Variants in TRIP12 observed in about 807,000 individuals in gnomAD.
TRIP12 encodes thyroid hormone receptor interactor 12.
In TRIP12, 25 loss-of-function variants were observed where a neutral mutation model predicts 244.2. The ratio of observed to expected loss-of-function variants is 0.10; its 90% CI spans 0.07 to 0.14. The LOEUF (loss-of-function observed/expected upper bound fraction) is 0.14, where lower values mean the gene tolerates loss of function less well. Ranked by LOEUF, TRIP12 falls within the 10% of genes least tolerant of loss-of-function variation. The pLI is 1.00. For synonymous variants in TRIP12, 905 were observed against 873.1 expected, an observed-to-expected ratio of 1.04 and a Z score of -0.64; for missense variants, 1,677 against 2,486.4, an observed-to-expected ratio of 0.67 and a Z score of 6.92.
chr2:229,842,272 A>C (rs1260537179), intron 4 of TRIP12, among the ~76,000 whole-genome samples: 2 of 152,206 alleles, frequency 1.3e-5, no homozygotes, highest in Non-Finnish European at 2.9e-5. Flanking sequence ...TACATAGCAT[A>C]CTGCCAGAAT....
chr2:229,833,439 C>T (rs191368361), intron 6 of TRIP12, among the ~76,000 whole-genome samples: 129 of 152,246 alleles, frequency 8.5e-4, no homozygotes, highest in Non-Finnish European at 7.2e-4. Context: ...AGGTACATGC[C>T]ACCAAGTCTG....
chr2:229,859,452 C>T lies in TRIP12; in HGVS notation c.347G>A (p.Arg116His). The change falls in exon 4 of 42, where the codon CGC (arginine) becomes CAC (histidine). Residue 116 changes from arginine to histidine, a missense_variant. Physicochemically the swap from Arg to His is conservative, Grantham distance 29. Around this residue, in one of 11 missense-constraint regions of TRIP12, gnomAD observed 387 missense variants for 392.6 expected, o/e 0.99. Coordinates refer to ENST00000675903, the MANE Select transcript of TRIP12 (RefSeq NM_001348323.3). ...PKKDNSRGVK[R>H]SASPDYNRTN... ...CCTGTTGTAGTCTGGACTAGCACTG[C>T]GCTTCACTCCTCGAGAATTGTCTTT... 4 of 1,614,110 alleles carry T rather than the reference C, an allele frequency of 2.5e-6. No homozygotes were observed. The highest frequency in any genetic ancestry group is 2.2e-5 in the South Asian group (2 of 91,076).
intron 1 of TRIP12, among the ~76,000 whole-genome samples, chr2:229,897,700 A>T (rs1179084449): frequency 6.6e-6 from 1 of 152,182 alleles, no homozygotes; most frequent in Non-Finnish European, 1.5e-5. Context: ...TCTTGCCTTA[A>T]AGTTCTCTAT....
chr2:229,791,685 G>T, intron 29 of TRIP12, 181 bp downstream of exon 29: 1 of 621,028 alleles, frequency 1.6e-6, no homozygotes, highest in Non-Finnish European at 2.8e-6. Flanking sequence ...TAGAATGAAT[G>T]AGGAGGCTAC....
intron 26 of TRIP12, among the ~76,000 whole-genome samples, chr2:229,794,607 A>G (rs2042359821): frequency 6.6e-6 from 1 of 151,896 alleles, no homozygotes; most frequent in Non-Finnish European, 1.5e-5. Flanking sequence ...AAACCAAACA[A>G]ATTTCCTATT....
intron 37 of TRIP12, 128 bp from the exon 38 acceptor site, chr2:229,774,389 CTTTA>C (rs1574771827): frequency 1.1e-6 from 1 of 905,716 alleles, no homozygotes; most frequent in East Asian, 2.8e-5. Flanking sequence ...CTCTTAGCCT[CTTTA>C]TTTTTTTCCT....
Position 229,763,874 on chromosome 2 carries a change from A to C in TRIP12, c.*3680T>G, listed in dbSNP as rs1312850665. ...GTTTATTAAAAATATAGTCAGGGAGAAGGAAGTCAGTGCATTTATGCAATT... is the reference window on the plus strand; with the variant it reads ...GTTTATTAAAAATATAGTCAGGGAGCAGGAAGTCAGTGCATTTATGCAATT... On this transcript the variant is annotated 3_prime_UTR_variant, in exon 42 of 42. Coordinates refer to ENST00000675903, the MANE Select transcript of TRIP12 (RefSeq NM_001348323.3). 6.6e-6 allele frequency: 1 copy of C among 152,220 alleles called. No homozygotes were observed. The highest frequency in any genetic ancestry group is 1.9e-4 in the East Asian group (1 of 5,200). The allele number at this position is 152,220 out of a possible 1,614,324, so 9.4% of individuals were successfully genotyped here.
At chr2:229,838,164 C>T (rs2055335449) in intron 5 of TRIP12, among the ~76,000 whole-genome samples, 1 of 152,016 alleles carries the variant, frequency 6.6e-6, no homozygotes, top group African/African-American at 2.4e-5. Context: ...AGTTTATTCT[C>T]ATTACAGAAA....
chr2:229,869,133 A>G (rs1048510910), intron 2 of TRIP12, among the ~76,000 whole-genome samples: 7 of 152,218 alleles, frequency 4.6e-5, no homozygotes, highest in Admixed American at 1.3e-4. Flanking sequence ...ATAACCACTA[A>G]TATCTAGGAG....
chr2:229,786,291 C>G (rs148915175), intron 33 of TRIP12, among the ~76,000 whole-genome samples: 16 of 152,130 alleles, frequency 1.1e-4, no homozygotes, highest in Admixed American at 4.6e-4. Context: ...CCTACAAGCA[C>G]TACTACAAAC....
intron 1 of TRIP12, among the ~76,000 whole-genome samples, chr2:229,882,723 T>TCAG (rs1322153736): frequency 6.6e-6 from 1 of 152,198 alleles, no homozygotes; most frequent in Non-Finnish European, 1.5e-5. Context: ...CTGCCCACCT[T>TCAG]CTGCTATTAA....
At chr2:229,843,177 C>T (rs150770665) in intron 4 of TRIP12, among the ~76,000 whole-genome samples, 2 of 150,498 alleles carry the variant, frequency 1.3e-5, no homozygotes, top group Non-Finnish European at 3.0e-5. Context: ...CTTTATGATG[C>T]CACTCAACCA....
intron 7 of TRIP12, 118 bp downstream of exon 7, chr2:229,830,638 G>T: frequency 1.1e-6 from 1 of 931,876 alleles, no homozygotes; most frequent in Non-Finnish European, 1.5e-6. Flanking sequence ...TTTTCTTGGA[G>T]GTGCAGGCAC....
Position 229,778,394 on chromosome 2 carries a change from T to C in TRIP12, c.5364+39A>G. The C allele has an allele frequency of 1.2e-6, 2 of 1,612,184 alleles. No individual in the cohort carries two copies. The highest frequency in any genetic ancestry group is 1.7e-6 in the Non-Finnish European group (2 of 1,178,664). ...ACTGAGGTACTTGCACAGAACATTCTACACCAAAACTGCAAAAAGCAAACC... is the reference window on the plus strand; with the variant it reads ...ACTGAGGTACTTGCACAGAACATTCCACACCAAAACTGCAAAAAGCAAACC... On this transcript the variant is annotated intron_variant, in intron 36 of 41. Transcript: ENST00000675903. The surrounding 1 kb of genome is among the most constrained non-coding windows in gnomAD (Gnocchi z 4.1).
At chr2:229,797,494 C>T (rs962172498) in intron 24 of TRIP12, among the ~76,000 whole-genome samples, 196 bp downstream of exon 24, 2 of 152,128 alleles carry the variant, frequency 1.3e-5, no homozygotes, top group Non-Finnish European at 2.9e-5. Context: ...GTTTCTAGTA[C>T]ATTTAATACA....
chr2:229,903,866 C>CA (rs869205971), intron 1 of TRIP12, among the ~76,000 whole-genome samples: 805 of 62,532 alleles, frequency 0.013, 8 homozygotes, highest in Non-Finnish European at 0.014. Context: ...ACCAAAAATA[C>CA]AAAAAAAAAA....
rs2031052815 is a variant in TRIP12 at position 229,763,838 on chromosome 2, A to C, written c.*3716T>G. ...TATAATTTAATAAAACTGACCATGTAGGATAATGCTGTTTATTAAAAATAT... is the reference window on the plus strand; with the variant it reads ...TATAATTTAATAAAACTGACCATGTCGGATAATGCTGTTTATTAAAAATAT... On this transcript the variant is annotated 3_prime_UTR_variant, in exon 42 of 42. Transcript: ENST00000675903. The C allele has an allele frequency of 6.6e-6, 1 of 152,260 alleles. No individual in the cohort carries two copies. The highest frequency in any genetic ancestry group is 1.5e-5 in the Non-Finnish European group (1 of 68,038). The allele number at this position is 152,260 out of a possible 1,614,324, so 9.4% of individuals were successfully genotyped here.
chr2:229,842,938 T>C lies in TRIP12; in HGVS notation c.1028-2011A>G, dbSNP rs141278598. Among the ~76,000 whole-genome samples, 1,424 of 152,332 alleles carry C rather than the reference T, an allele frequency of 9.3e-3. 10 individuals carry two copies. Among genetic ancestry groups the C allele is most frequent in the Middle Eastern group, 0.02 (6 of 294 alleles). ...TACTTATTGTGAGTGGTTCAGAGTT[T>C]GACAAATGTATTTACCCATATAACC... On this transcript the variant is annotated intron_variant, in intron 4 of 41. Coordinates refer to ENST00000675903, the MANE Select transcript of TRIP12 (RefSeq NM_001348323.3).
chr2:229,794,811 T>C (rs2042404487), intron 26 of TRIP12: 1 of 155,128 alleles, frequency 6.4e-6, no homozygotes, highest in African/African-American at 2.4e-5. Context: ...ATAAATCATA[T>C]CGCTCAAAAT....
Sources: allele counts gnomAD v4.1 joint callset (sites outside exome capture counted in the v4.1 genomes callset), GRCh38; gene constraint gnomAD v4.1.1; regional missense constraint gnomAD v4.1.1; non-coding constraint Gnocchi (gnomAD v3.1); transcripts MANE v1.5; gene names NCBI Gene and HGNC (gene_info 2026-07-23, HGNC 2026-07-21).